SUPT5H: variants seen among roughly 807,000 people sequenced by gnomAD.
SUPT5H encodes SPT5 homolog, DSIF elongation factor subunit.
In SUPT5H, 24 loss-of-function variants were observed where a neutral mutation model predicts 142.5. The ratio of observed to expected loss-of-function variants is 0.17; its 90% CI spans 0.12 to 0.24. The LOEUF (loss-of-function observed/expected upper bound fraction) is 0.24. Among genes scored for constraint, SUPT5H ranks in the 10% least tolerant of loss-of-function variants. The probability of loss-of-function intolerance (pLI) is 1.00; values close to 1 mark genes in which losing one functional copy is unlikely to be tolerated. For missense variants in SUPT5H, 893 were observed against 1,471.8 expected, an observed-to-expected ratio of 0.61 and a Z score of 6.43; for synonymous variants, 546 against 553.0, an observed-to-expected ratio of 0.99 and a Z score of 0.18.
chr19:39,452,368 A>G (rs1332451260), intron 2 of SUPT5H, among the ~76,000 whole-genome samples: 1 of 152,186 alleles, frequency 6.6e-6, no homozygotes, highest in Non-Finnish European at 1.5e-5. Context: ...GAGAGAGGGC[A>G]TGGAGGGAGA....
Position 39,462,891 on chromosome 19 carries a change from G to A in SUPT5H, c.625-1907G>A, listed in dbSNP as rs113132920. On this transcript the variant is annotated intron_variant, in intron 10 of 29. Transcript: ENST00000432763. The stretch of plus-strand genomic sequence containing the variant: ...GTCTCGCACCGTTGCCCAGGCTGGA[G>A]TGCAATGATGCGATCTCGGCTCACC... 7.3e-3 allele frequency among the ~76,000 whole-genome samples: 1,028 copies of A among 141,404 alleles called. 7 individuals carry two copies. Among genetic ancestry groups the A allele is most frequent in the Middle Eastern group, 0.013 (3 of 232 alleles). The allele number at this position is 141,404 out of a possible 152,430, so 92.8% of individuals were successfully genotyped here.
rs764282082 is a variant in SUPT5H at position 39,453,415 on chromosome 19, A to C, written c.135A>C (p.Glu45Asp). 5.0e-6 allele frequency: 8 copies of C among 1,592,166 alleles called. No individual in the cohort carries two copies. In the South Asian group the frequency reaches 9.1e-5, roughly 18 times the overall value. The change falls in exon 3 of 30, where the codon GAA (glutamate) becomes GAC (aspartate). Residue 45 changes from glutamate (E) to aspartate (D), a missense_variant. Glu to Asp is a conservative substitution (Grantham distance 45). Transcript: ENST00000432763. ...AGAAAGAAGAAGAGCCTGAGGACGA[A>C]GAGGAGGAGGAAGAGGAGGAGGAAT... Reference protein sequence around the residue: ...GSEKEEEPEDEEEEEEEEEYD... With the variant: ...GSEKEEEPEDDEEEEEEEEYD...
intron 3 of SUPT5H, among the ~76,000 whole-genome samples, chr19:39,454,296 G>A (rs73549931): frequency 0.011 from 1,723 of 151,726 alleles, 26 homozygotes; most frequent in African/African-American, 0.04. Flanking sequence ...TCTGTTCTAC[G>A]TGTTAAATCC....
At chr19:39,462,388 T>C (rs1183588776) in intron 10 of SUPT5H, among the ~76,000 whole-genome samples, 1 of 152,182 alleles carries the variant, frequency 6.6e-6, no homozygotes, top group Admixed American at 6.5e-5. Context: ...TGAATCTACC[T>C]TCTTTCTCTG....
In SUPT5H at chr19:39,469,225, G is replaced by A. The variant is rs766128754; in HGVS notation, c.1238-37G>A. ...CCAAGGAGCAGGGGCGGCCCATGGT[G>A]GCAACCCCCGAGTCAGCCCTACGAC... On this transcript the variant is annotated intron_variant, in intron 15 of 29. Coordinates refer to ENST00000432763, the MANE Select transcript of SUPT5H (RefSeq NM_001111020.3). This position sits in a 1 kb window ranked among gnomAD's most constrained non-coding sequence, Gnocchi z 5.1. 13 of 1,614,218 alleles carry A rather than the reference G, an allele frequency of 8.1e-6. No individual in the cohort carries two copies. In the South Asian group the frequency reaches 1.3e-4, roughly 16 times the overall value.
chr19:39,457,844 C>T, intron 4 of SUPT5H, 104 bp downstream of exon 4: 2 of 1,541,390 alleles, frequency 1.3e-6, no homozygotes, highest in Non-Finnish European at 1.8e-6. Context: ...CACCCCAACT[C>T]CCACCGTCCT....
At chr19:39,452,199 G>A (rs975267899) in intron 2 of SUPT5H, among the ~76,000 whole-genome samples, 1 of 152,306 alleles carries the variant, frequency 6.6e-6, no homozygotes, top group Admixed American at 6.5e-5. Flanking sequence ...GACACAGTGA[G>A]TATGAAAGGG....
intron 3 of SUPT5H, among the ~76,000 whole-genome samples, chr19:39,454,167 A>G (rs916517690): frequency 3.3e-5 from 5 of 152,204 alleles, no homozygotes; most frequent in African/African-American, 4.8e-5. Context: ...CACAGCTAAC[A>G]TTGTGTGGTT....
chr19:39,468,162 A>G (rs1469508493), intron 13 of SUPT5H: 1 of 152,666 alleles, frequency 6.6e-6, no homozygotes, highest in Non-Finnish European at 1.5e-5. Flanking sequence ...CGGGAGCTGC[A>G]GGCTTGGGAG....
rs753934274 is a variant in SUPT5H, at chr19:39,466,757, T to C, written c.1037+12T>C. The C allele has an allele frequency of 6.2e-7, 1 of 1,614,078 alleles. No individual in the cohort carries two copies. The highest frequency in any genetic ancestry group is 8.5e-7 in the Non-Finnish European group (1 of 1,179,920). On this transcript the variant is annotated intron_variant, in intron 13 of 29. Coordinates refer to ENST00000432763, the MANE Select transcript of SUPT5H (RefSeq NM_001111020.3). This position sits in a 1 kb window ranked among gnomAD's most constrained non-coding sequence, Gnocchi z 4.3. ...GCTGAGAAGATCAGGTGCGTGTCCTTGGGGACTGGCTGGGCTGGGTCCCCA... is the reference window on the plus strand; with the variant it reads ...GCTGAGAAGATCAGGTGCGTGTCCTCGGGGACTGGCTGGGCTGGGTCCCCA...
In SUPT5H at chr19:39,453,489, C is replaced by G; in HGVS notation, c.209C>G (p.Pro70Arg). The change falls in exon 3 of 30, where the codon CCC becomes CGC. Residue 70 changes from proline (P) to arginine (R), a missense_variant. Physicochemically the swap from Pro to Arg is moderately radical, Grantham distance 103. Around this residue, in one of 6 missense-constraint regions of SUPT5H, gnomAD observed 19 missense variants for 27.2 expected, o/e 0.70. Coordinates refer to ENST00000432763, the MANE Select transcript of SUPT5H (RefSeq NM_001111020.3). ...EEDDDRPPKK[P>R]RHGGFILDEA... The stretch of plus-strand genomic sequence containing the variant: ...GATGATGACCGACCCCCCAAGAAAC[C>G]CCGCCATGGAGGCTTCATTCTGGAC... 6.5e-7 allele frequency: 1 copy of G among 1,549,130 alleles called. No homozygotes were observed. The highest frequency in any genetic ancestry group is 8.7e-7 in the Non-Finnish European group (1 of 1,145,508).
chr19:39,473,520 C>T lies in SUPT5H; in HGVS notation c.2491C>T (p.Arg831Trp), dbSNP rs1237079495. The change falls in exon 25 of 30, where the codon CGG (arginine) becomes TGG (tryptophan). Residue 831 changes from arginine to tryptophan, a missense_variant and splice_region_variant. By Grantham distance (101) the Arg-to-Trp change is moderately radical. This residue lies in a region of SUPT5H where 336 missense variants were observed against 546.5 expected (regional missense o/e 0.61). Coordinates refer to ENST00000432763, the MANE Select transcript of SUPT5H (RefSeq NM_001111020.3). This position sits in a 1 kb window ranked among gnomAD's most constrained non-coding sequence, Gnocchi z 5.8. ...CCCCAACAACCCCAACACGCCGTCA[C>T]GGTGAGTCCAGGGTTCCCCAGGTTC... ...WDPNNPNTPS[R>W]AEEEYEYAFD... is the part of the protein sequence containing the mutation. 6.2e-7 allele frequency: 1 copy of T among 1,609,166 alleles called. No individual in the cohort carries two copies.
chr19:39,459,447 T>A, intron 8 of SUPT5H, 112 bp from the exon 9 acceptor site: 1 of 1,443,448 alleles, frequency 6.9e-7, no homozygotes, highest in Non-Finnish European at 9.6e-7. Context: ...AGTCAGTGAG[T>A]GTGAGGGAAC....
In SUPT5H at chr19:39,474,196, T is replaced by C. The variant is rs1600727440; in HGVS notation, c.2652-38T>C. On this transcript the variant is annotated intron_variant, in intron 26 of 29. Transcript: ENST00000432763. The surrounding 1 kb of genome is among the most constrained non-coding windows in gnomAD (Gnocchi z 6.5). ...CTGCCACCACCTCTTTTCCCCTCCCTCCTCCAACAAATGCCCCCTTCTCTC... is the reference window on the plus strand; with the variant it reads ...CTGCCACCACCTCTTTTCCCCTCCCCCCTCCAACAAATGCCCCCTTCTCTC... 6.2e-7 allele frequency: 1 copy of C among 1,613,028 alleles called. No individual in the cohort carries two copies. Among genetic ancestry groups the C allele is most frequent in the East Asian group, 2.2e-5 (1 of 44,840 alleles).
chr19:39,471,747 A>C lies in SUPT5H; in HGVS notation c.1950+17A>C, dbSNP rs762996778. The C allele has an allele frequency of 1.2e-6, 2 of 1,610,632 alleles. No individual in the cohort carries two copies. The highest frequency in any genetic ancestry group is 2.2e-5 in the South Asian group (2 of 90,604). Reference sequence around the variant, plus strand: ...GGCTCAAAGGTGAGGTGGGCATGGCAGGACCCTGTGCGTTGGGTACCTGGC... The same window carrying C: ...GGCTCAAAGGTGAGGTGGGCATGGCCGGACCCTGTGCGTTGGGTACCTGGC... On this transcript the variant is annotated intron_variant, in intron 20 of 29. Transcript: ENST00000432763.
At position 39,447,450 on chromosome 19, in the gene SUPT5H, CTT is replaced by C. The variant is rs59007555; in HGVS notation, c.75+1502_75+1503del. Among the ~76,000 whole-genome samples the C allele has an allele frequency of 6.8e-5, 9 of 132,008 alleles. No homozygotes were observed. The South Asian group carries it at 7.1e-4, about 10-fold the overall frequency. 86.6% of individuals were successfully genotyped at this position (132,008 alleles called of 152,430 possible). A position where few individuals can be genotyped will look rare whatever the true frequency, so the allele number is the denominator to read the frequency against. On this transcript the variant is annotated intron_variant, in intron 2 of 29. Transcript: ENST00000432763. ...CAAATGTTCTTTTATTTGCCATTAT[CTT>C]TTTTTTTTTTTTTTTTGAGACAGCA...
At chr19:39,461,826 A>AG (rs950532833) in intron 10 of SUPT5H, among the ~76,000 whole-genome samples, 1 of 94,472 alleles carries the variant, frequency 1.1e-5, no homozygotes, top group African/African-American at 4.1e-5. Context: ...TGTCTCAAAA[A>AG]AAAAAAAAAA....
At chr19:39,460,016 G>A (rs1332008422) in intron 10 of SUPT5H, 56 bp downstream of exon 10, 2 of 1,584,854 alleles carry the variant, frequency 1.3e-6, no homozygotes, top group African/African-American at 2.7e-5. Context: ...CCAGAGGGAA[G>A]AACATTGTCA....
intron 3 of SUPT5H, among the ~76,000 whole-genome samples, chr19:39,454,357 T>A (rs2079059487): frequency 4.0e-5 from 1 of 25,252 alleles, no homozygotes; most frequent in East Asian, 9.5e-4. Context: ...GTTGTCGTTG[T>A]TTTTTTTTTT....
Sources: allele counts gnomAD v4.1 joint callset (sites outside exome capture counted in the v4.1 genomes callset), GRCh38; gene constraint gnomAD v4.1.1; regional missense constraint gnomAD v4.1.1; non-coding constraint Gnocchi (gnomAD v3.1); transcripts MANE v1.5; gene names NCBI Gene and HGNC (gene_info 2026-07-23, HGNC 2026-07-21).